CMTM3: variants seen among roughly 807,000 people sequenced by gnomAD.
The protein encoded by CMTM3 is CKLF-like MARVEL transmembrane domain-containing protein 3.
CMTM3 carries 7 observed loss-of-function variants against 18.2 expected under a neutral mutation model. The ratio of observed to expected loss-of-function variants is 0.38; its 90% CI spans 0.22 to 0.72. The LOEUF is 0.72. Ranked by LOEUF, CMTM3 falls within the 30% of genes least tolerant of loss-of-function variation. The probability of loss-of-function intolerance (pLI) is 0.46; values close to 1 mark genes in which losing one functional copy is unlikely to be tolerated. For synonymous variants in CMTM3, 109 were observed against 111.2 expected, an observed-to-expected ratio of 0.98 and a Z score of 0.12; for missense variants, 227 against 249.2, an observed-to-expected ratio of 0.91 and a Z score of 0.60.
chr16:66,604,140 C>T (rs535720058), upstream of CMTM3: 47 of 148,468 alleles, frequency 3.2e-4, no homozygotes, highest in East Asian at 7.6e-3. Context: ...CGCGCGCGCG[C>T]GTGTGTGTGT....
At chr16:66,611,307 G>A (rs2015367613) in intron 4 of CMTM3, among the ~76,000 whole-genome samples, 1 of 152,124 alleles carries the variant, frequency 6.6e-6, no homozygotes, top group African/African-American at 2.4e-5. Context: ...ACAAAAATCA[G>A]CCAGGCATGG....
Position 66,609,904 on chromosome 16 carries a change from A to G in CMTM3, c.421A>G (p.Ile141Val), listed in dbSNP as rs1305560357. ...ACAGGTGTTTGGCTTCTTTGCTACC[A>G]TCGTGTTTGCAACTGATTTCTACCT... ...AAGVFGFFATIVFATDFYLIF... is the reference protein window; with the variant it reads ...AAGVFGFFATVVFATDFYLIF... Residue 141 changes from isoleucine to valine, a missense_variant, in exon 4 of 5, where the codon ATC becomes GTC. Coordinates refer to ENST00000567572, the MANE Select transcript of CMTM3 (RefSeq NM_181553.4). This position sits in a 1 kb window ranked among gnomAD's most constrained non-coding sequence, Gnocchi z 4.4. The G allele has an allele frequency of 1.9e-6, 3 of 1,614,036 alleles. No homozygotes were observed. The South Asian group carries it at 3.3e-5, about 18-fold the overall frequency.
chr16:66,609,241 G>A lies in CMTM3; in HGVS notation c.304-194G>A. 1 of 598,978 alleles carries A rather than the reference G, an allele frequency of 1.7e-6. No individual in the cohort carries two copies. Among genetic ancestry groups the A allele is most frequent in the Non-Finnish European group, 3.0e-6 (1 of 336,322 alleles). The allele number at this position is 598,978 out of a possible 1,614,324, so 37.1% of individuals were successfully genotyped here. ...GCCCCGCTGGACCCGGGATAGGGCA[G>A]TGTCAGCTGCTGGCAAGGCAGCAGA... On this transcript the variant is annotated intron_variant, in intron 2 of 4. Transcript: ENST00000567572. The surrounding 1 kb of genome is among the most constrained non-coding windows in gnomAD (Gnocchi z 4.4).
rs1019880071 is a variant in CMTM3, at chr16:66,604,820, C to G, written c.15C>G (p.Asp5Glu). ...CCGCCGCCGCCATGTGGCCCCCAGA[C>G]CCCGACCCCGACCCGGACCCCGAGC... MWPP[D>E]PDPDPDPEPA... is the part of the protein sequence containing the mutation. The change falls in exon 1 of 5, where the codon GAC becomes GAG. Residue 5 changes from aspartate (D) to glutamate (E), a missense_variant. Coordinates refer to ENST00000567572, the MANE Select transcript of CMTM3 (RefSeq NM_181553.4). 1.5e-6 allele frequency: 2 copies of G among 1,301,902 alleles called. No individual in the cohort carries two copies. The highest frequency in any genetic ancestry group is 3.1e-5 in the African/African-American group (2 of 64,344). The allele number at this position is 1,301,902 out of a possible 1,614,324, so 80.6% of individuals were successfully genotyped here.
At chr16:66,611,039 T>C (rs1219504059) in intron 4 of CMTM3, 5 of 397,170 alleles carry the variant, frequency 1.3e-5, no homozygotes, top group Non-Finnish European at 2.2e-5. Context: ...AGGGACCAAT[T>C]AGTAAACGTC....
intron 1 of CMTM3, among the ~76,000 whole-genome samples, chr16:66,606,273 C>T (rs1375176438): frequency 6.6e-6 from 1 of 152,056 alleles, no homozygotes; most frequent in Non-Finnish European, 1.5e-5. Context: ...GGAAGTGGCC[C>T]CAGAAATCGC....
Position 66,609,677 on chromosome 16 carries a change from A to C in CMTM3, c.399+147A>C. The C allele has an allele frequency of 6.5e-7, 1 of 1,538,272 alleles. No individual in the cohort carries two copies. The highest frequency in any genetic ancestry group is 1.2e-5 in the South Asian group (1 of 84,122). ...TGATGATTCCAAAGTCCTCTCATTA[A>C]AGACTGACTCTACCCGGGGTTTTGA... On this transcript the variant is annotated intron_variant, in intron 3 of 4. Transcript: ENST00000567572. This position sits in a 1 kb window ranked among gnomAD's most constrained non-coding sequence, Gnocchi z 4.4.
rs530837986 is a variant in CMTM3, at chr16:66,609,567, G to A, written c.399+37G>A. On this transcript the variant is annotated intron_variant, in intron 3 of 4. Coordinates refer to ENST00000567572, the MANE Select transcript of CMTM3 (RefSeq NM_181553.4). This position sits in a 1 kb window ranked among gnomAD's most constrained non-coding sequence, Gnocchi z 4.4. ...CCCCACCCCTCTGGAAACTGCAGAT[G>A]CCCCTCTAGCCCCTCATTTAGGGTG... is the stretch of plus-strand genomic sequence containing the variant. 1.0e-4 allele frequency: 158 copies of A among 1,547,974 alleles called. 1 individual carries two copies. In the South Asian group the frequency reaches 1.6e-3, roughly 16 times the overall value.
chr16:66,606,083 T>C (rs1171491173), intron 1 of CMTM3, among the ~76,000 whole-genome samples: 2 of 147,372 alleles, frequency 1.4e-5, no homozygotes, highest in Admixed American at 1.3e-4. Flanking sequence ...AGCAGGAGCA[T>C]AGAGGCCACC....
rs534442600 is a variant in CMTM3 at position 66,613,117 on chromosome 16, A to G, written c.*480A>G. On this transcript the variant is annotated 3_prime_UTR_variant, in exon 5 of 5. Coordinates refer to ENST00000567572, the MANE Select transcript of CMTM3 (RefSeq NM_181553.4). ...CCTGCCCACACCAGCCACTTTGGTGACAATGACCCTTCCAAGAATCTTTGG... is the reference window on the plus strand; with the variant it reads ...CCTGCCCACACCAGCCACTTTGGTGGCAATGACCCTTCCAAGAATCTTTGG... 5 of 702,918 alleles carry G rather than the reference A, an allele frequency of 7.1e-6. No homozygotes were observed. The highest frequency in any genetic ancestry group is 1.3e-5 in the Non-Finnish European group (5 of 385,030). 43.5% of individuals were successfully genotyped at this position (702,918 alleles called of 1,614,324 possible). A position where few individuals can be genotyped will look rare whatever the true frequency, so the allele number is the denominator to read the frequency against.
rs899010334 is a variant in CMTM3, at chr16:66,604,930, G to A, written c.125G>A (p.Gly42Asp). 4 of 1,499,740 alleles carry A rather than the reference G, an allele frequency of 2.7e-6. No homozygotes were observed. The highest frequency in any genetic ancestry group is 3.5e-6 in the Non-Finnish European group (4 of 1,134,768). 92.9% of individuals were successfully genotyped at this position (1,499,740 alleles called of 1,614,324 possible). Reference protein sequence around the residue: ...PARAFLCSLKGRLLLAESGLS... With the variant: ...PARAFLCSLKDRLLLAESGLS... ...CGGGCTTTCCTCTGCTCTCTCAAAG[G>A]CCGCCTCCTGCTGGCCGAGTCGGTG... Residue 42 changes from glycine (G) to aspartate (D), a missense_variant, in exon 1 of 5, where the codon GGC becomes GAC. Coordinates refer to ENST00000567572, the MANE Select transcript of CMTM3 (RefSeq NM_181553.4).
In CMTM3 at chr16:66,605,020, G is replaced by A. The variant is rs2015082657; in HGVS notation, c.147+68G>A. Reference sequence around the variant, plus strand: ...GGCTCCTTTCGGAGGAGGACGTCGGGGCGCGGGTGGGGTCCGGGGGCGGCC... The same window carrying A: ...GGCTCCTTTCGGAGGAGGACGTCGGAGCGCGGGTGGGGTCCGGGGGCGGCC... On this transcript the variant is annotated intron_variant, in intron 1 of 4. Coordinates refer to ENST00000567572, the MANE Select transcript of CMTM3 (RefSeq NM_181553.4). The surrounding 1 kb of genome is among the most constrained non-coding windows in gnomAD (Gnocchi z 4.6). 2 of 1,326,584 alleles carry A rather than the reference G, an allele frequency of 1.5e-6. No individual in the cohort carries two copies. The highest frequency in any genetic ancestry group is 3.1e-5 in the African/African-American group (2 of 64,502). The allele number at this position is 1,326,584 out of a possible 1,614,324, so 82.2% of individuals were successfully genotyped here.
chr16:66,609,293 T>C lies in CMTM3; in HGVS notation c.304-142T>C. The C allele has an allele frequency of 1.5e-6, 1 of 682,772 alleles. No individual in the cohort carries two copies. The allele number at this position is 682,772 out of a possible 1,614,324, so 42.3% of individuals were successfully genotyped here. A position where few individuals can be genotyped will look rare whatever the true frequency, so the allele number is the denominator to read the frequency against. On this transcript the variant is annotated intron_variant, in intron 2 of 4. Coordinates refer to ENST00000567572, the MANE Select transcript of CMTM3 (RefSeq NM_181553.4). This position sits in a 1 kb window ranked among gnomAD's most constrained non-coding sequence, Gnocchi z 4.4. ...GCACCTCGGGGGTGGGACAAGGGCCTAGGCATGTGGGTGGGGCCAGGATGG... is the reference window on the plus strand; with the variant it reads ...GCACCTCGGGGGTGGGACAAGGGCCCAGGCATGTGGGTGGGGCCAGGATGG...
chr16:66,611,567 C>T (rs891958659), intron 4 of CMTM3, among the ~76,000 whole-genome samples: 1 of 152,122 alleles, frequency 6.6e-6, no homozygotes, highest in African/African-American at 2.4e-5. Flanking sequence ...AGCCCTGAGC[C>T]CAGCCATGAG....
At position 66,608,184 on chromosome 16, in the gene CMTM3, G is replaced by A. The variant is rs2015231629; in HGVS notation, c.148-125G>A. On this transcript the variant is annotated intron_variant, in intron 1 of 4. Transcript: ENST00000567572. This position sits in a 1 kb window ranked among gnomAD's most constrained non-coding sequence, Gnocchi z 5.1. Reference sequence around the variant, plus strand: ...TGGCTCTGCCACTTCCCAGCTGCGGGACTGTGAGCAGTTGGCTTCCCCTGC... The same window carrying A: ...TGGCTCTGCCACTTCCCAGCTGCGGAACTGTGAGCAGTTGGCTTCCCCTGC... 7 of 987,686 alleles carry A rather than the reference G, an allele frequency of 7.1e-6. No homozygotes were observed. The highest frequency in any genetic ancestry group is 7.7e-6 in the Non-Finnish European group (5 of 650,474). The allele number at this position is 987,686 out of a possible 1,614,324, so 61.2% of individuals were successfully genotyped here.
chr16:66,604,577 G>A (rs1304331601), upstream of CMTM3: 18 of 335,750 alleles, frequency 5.4e-5, no homozygotes, highest in East Asian at 8.5e-4. Flanking sequence ...GGAGGCCCCA[G>A]GCCGGGGAGG....
Position 66,609,914 on chromosome 16 carries a change from C to T in CMTM3, c.431C>T (p.Ala144Val). 1 of 1,614,138 alleles carries T rather than the reference C, an allele frequency of 6.2e-7. No individual in the cohort carries two copies. Among genetic ancestry groups the T allele is most frequent in the South Asian group, 1.1e-5 (1 of 91,082 alleles). ...VFGFFATIVF[A>V]TDFYLIFNDV... ...GGCTTCTTTGCTACCATCGTGTTTG[C>T]AACTGATTTCTACCTGATCTTTAAC... Residue 144 changes from alanine (A) to valine (V), a missense_variant, in exon 4 of 5, where the codon GCA (alanine) becomes GTA (valine). By Grantham distance (64) the Ala-to-Val change is moderately conservative (BLOSUM62 0). Transcript: ENST00000567572. The surrounding 1 kb of genome is among the most constrained non-coding windows in gnomAD (Gnocchi z 4.4).
rs537078418 is a variant in CMTM3 at position 66,609,405 on chromosome 16, G to A, written c.304-30G>A. On this transcript the variant is annotated intron_variant, in intron 2 of 4. Coordinates refer to ENST00000567572, the MANE Select transcript of CMTM3 (RefSeq NM_181553.4). The surrounding 1 kb of genome is among the most constrained non-coding windows in gnomAD (Gnocchi z 4.4). The stretch of plus-strand genomic sequence containing the variant: ...CCCCATGCTGTGCTCAGCTCCAGGG[G>A]CTCAGGGCAGCATGCCCCTCTCTCC... 1.4e-4 allele frequency: 224 copies of A among 1,594,442 alleles called. 3 individuals carry two copies. In the South Asian group the frequency reaches 2.4e-3, roughly 17 times the overall value.
At position 66,608,590 on chromosome 16, in the gene CMTM3, G is replaced by T; in HGVS notation, c.303+126G>T. On this transcript the variant is annotated intron_variant, in intron 2 of 4. Transcript: ENST00000567572. The surrounding 1 kb of genome is among the most constrained non-coding windows in gnomAD (Gnocchi z 5.1). ...CTGGAGTTTGCAGTTGGTTAGAACT[G>T]GATGGAGAGACCCAGCTTCAGATCA... 2.2e-6 allele frequency: 2 copies of T among 897,236 alleles called. No homozygotes were observed. Among genetic ancestry groups the T allele is most frequent in the East Asian group, 2.6e-5 (1 of 38,600 alleles). 55.6% of individuals were successfully genotyped at this position (897,236 alleles called of 1,614,324 possible).
Sources: allele counts gnomAD v4.1 joint callset (sites outside exome capture counted in the v4.1 genomes callset), GRCh38; gene constraint gnomAD v4.1.1; non-coding constraint Gnocchi (gnomAD v3.1); transcripts MANE v1.5; gene names NCBI Gene and HGNC (gene_info 2026-07-23, HGNC 2026-07-21).